FOXN3: variants seen among roughly 807,000 people sequenced by gnomAD.
FOXN3 encodes forkhead box N3, also known as forkhead box protein N3.
In FOXN3, 7 loss-of-function variants were observed where a neutral mutation model predicts 38.4. The ratio of observed to expected loss-of-function variants is 0.18; its 90% confidence interval spans 0.10 to 0.34. FOXN3 has a LOEUF of 0.34. Ranked by LOEUF, FOXN3 falls within the 10% of genes least tolerant of loss-of-function variation. FOXN3 has a pLI of 1.00. For synonymous variants in FOXN3, 230 were observed against 242.2 expected (o/e 0.95, Z 0.47); for missense variants, 456 against 613.4 (o/e 0.74, Z 2.71).
At chr14:89,375,628 G>C (rs1890457882) in intron 2 of FOXN3, among the ~76,000 whole-genome samples, 1 of 152,034 alleles carries the variant, frequency 6.6e-6, no homozygotes, top group East Asian at 1.9e-4. Context: ...CAAGCAAAGA[G>C]ATATAAATAC....
intron 3 of FOXN3, among the ~76,000 whole-genome samples, chr14:89,308,753 G>C (rs755993652): frequency 6.6e-6 from 1 of 152,228 alleles, no homozygotes; most frequent in Non-Finnish European, 1.5e-5. Flanking sequence ...TTAAGGAGGA[G>C]GTAGAGAAAG....
At chr14:89,231,714 T>C (rs1884815398) in intron 4 of FOXN3, among the ~76,000 whole-genome samples, 1 of 152,068 alleles carries the variant, frequency 6.6e-6, no homozygotes, top group Non-Finnish European at 1.5e-5. Context: ...GTACAGCCGC[T>C]CCATGCAATA....
intron 1 of FOXN3, among the ~76,000 whole-genome samples, chr14:89,594,897 T>C (rs1477710041): frequency 6.6e-6 from 1 of 152,134 alleles, no homozygotes; most frequent in African/African-American, 2.4e-5. Context: ...TTTTCTACTC[T>C]TGGCATTTTG....
At chr14:89,453,736 T>C (rs929109044) in intron 1 of FOXN3, among the ~76,000 whole-genome samples, 17 of 152,164 alleles carry the variant, frequency 1.1e-4, no homozygotes, top group African/African-American at 3.1e-4. Context: ...ACTCTTGTTT[T>C]GGTGGGCCCC....
At chr14:89,591,247 G>A (rs1302335484) in intron 1 of FOXN3, among the ~76,000 whole-genome samples, 1 of 152,138 alleles carries the variant, frequency 6.6e-6, no homozygotes, top group Non-Finnish European at 1.5e-5. Context: ...AGCTTGGAAG[G>A]GAGAAGAGAT....
intron 1 of FOXN3, among the ~76,000 whole-genome samples, chr14:89,561,975 G>A (rs1895258162): frequency 6.6e-6 from 1 of 152,150 alleles, no homozygotes; most frequent in African/African-American, 2.4e-5. Context: ...TGTATATGAA[G>A]AGAAAAGAAA....
intron 1 of FOXN3, among the ~76,000 whole-genome samples, chr14:89,488,463 G>A (rs1030665855): frequency 6.6e-6 from 1 of 151,736 alleles, no homozygotes; most frequent in South Asian, 2.1e-4. Flanking sequence ...CTGGGCAACG[G>A]GGCAAAACCC....
intron 1 of FOXN3, among the ~76,000 whole-genome samples, chr14:89,464,427 C>T (rs563377276): frequency 1.5e-4 from 23 of 152,170 alleles, no homozygotes; most frequent in Non-Finnish European, 3.2e-4. Context: ...TGGTATCAAG[C>T]TATCTTTTCA....
chr14:89,435,327 G>A (rs531573958), intron 1 of FOXN3, among the ~76,000 whole-genome samples: 2 of 150,656 alleles, frequency 1.3e-5, no homozygotes, highest in South Asian at 4.2e-4. Context: ...AGCTATGATT[G>A]TGCCACTGCA....
chr14:89,587,930 A>G (rs1895876760), intron 1 of FOXN3, among the ~76,000 whole-genome samples: 1 of 151,640 alleles, frequency 6.6e-6, no homozygotes, highest in Non-Finnish European at 1.5e-5. Flanking sequence ...CAGATAGAGC[A>G]ATGGGCATAT....
chr14:89,323,287 CAAAAAAA>C (rs60059606), intron 3 of FOXN3, among the ~76,000 whole-genome samples: 26 of 75,970 alleles, frequency 3.4e-4, no homozygotes, highest in African/African-American at 1.1e-3. Flanking sequence ...GACTCCATCT[CAAAAAAA>C]AAAAAAAAAA....
intron 2 of FOXN3, among the ~76,000 whole-genome samples, chr14:89,401,878 C>G (rs1040823463): frequency 1.8e-4 from 28 of 152,106 alleles, no homozygotes; most frequent in African/African-American, 6.8e-4. Flanking sequence ...CTGTGAAGAC[C>G]AAAGGAAGAA....
chr14:89,600,413 A>T (rs1896133055), intron 1 of FOXN3, among the ~76,000 whole-genome samples: 1 of 152,220 alleles, frequency 6.6e-6, no homozygotes, highest in African/African-American at 2.4e-5. Context: ...GAGACAGATT[A>T]ATCTGATGCC....
At chr14:89,363,963 T>TATATATATATATATATATA (rs1890014583) in intron 2 of FOXN3, among the ~76,000 whole-genome samples, 2 of 27,098 alleles carry the variant, frequency 7.4e-5, no homozygotes, top group South Asian at 6.6e-4. Context: ...TATATATATA[T>TATATATATATATATATATA]ATATATATAT....
chr14:89,513,314 G>A (rs1460708489), intron 1 of FOXN3, among the ~76,000 whole-genome samples: 1 of 151,754 alleles, frequency 6.6e-6, no homozygotes, highest in Non-Finnish European at 1.5e-5. Context: ...GGCCCAGGCT[G>A]GAGTGCAGTG....
intron 3 of FOXN3, among the ~76,000 whole-genome samples, chr14:89,319,415 T>A (rs1006485112): frequency 2.0e-5 from 3 of 152,082 alleles, no homozygotes; most frequent in African/African-American, 7.2e-5. Context: ...CAGCTACACA[T>A]CCTGCCAGCA....
chr14:89,604,242 T>C (rs1262116361), intron 1 of FOXN3, among the ~76,000 whole-genome samples: 18 of 120,532 alleles, frequency 1.5e-4, no homozygotes, highest in South Asian at 5.6e-4. Context: ...CACACACACG[T>C]GCGCGCACAC....
intron 5 of FOXN3, among the ~76,000 whole-genome samples, chr14:89,168,184 G>A (rs1157061169): frequency 1.3e-5 from 2 of 152,082 alleles, no homozygotes; most frequent in African/African-American, 2.4e-5. Flanking sequence ...GAATCTGAAC[G>A]GCAAAGACTA....
intron 1 of FOXN3, among the ~76,000 whole-genome samples, chr14:89,524,105 T>C (rs1386214436): frequency 7.0e-6 from 1 of 142,622 alleles, no homozygotes; most frequent in Non-Finnish European, 1.5e-5. Flanking sequence ...CTGGGCACGG[T>C]GGCTCACGCC....
Sources: allele counts gnomAD v4.1 joint callset (sites outside exome capture counted in the v4.1 genomes callset), GRCh38; gene constraint gnomAD v4.1.1; transcripts MANE v1.5; gene names NCBI Gene and HGNC (gene_info 2026-07-23, HGNC 2026-07-21).